FLNC: variants seen among roughly 807,000 people sequenced by gnomAD.
The protein encoded by FLNC is filamin-C.
FLNC carries 91 observed loss-of-function variants against 254.3 expected under a neutral mutation model. That is an observed-to-expected ratio of 0.36 (90% confidence interval 0.30 to 0.43). The LOEUF (loss-of-function observed/expected upper bound fraction) is 0.43. Ranked by LOEUF, FLNC falls within the 20% of genes least tolerant of loss-of-function variation. The pLI is 1.00. For missense variants in FLNC, 2,853 were observed against 3,802.6 expected (o/e 0.75, Z 6.57); for synonymous variants, 1,430 against 1,577.2 (o/e 0.91, Z 2.21).
rs751937921 is a variant in FLNC at position 128,851,544 on chromosome 7, C to A, written c.5758C>A (p.Pro1920Thr). ...TGGCACCTGCACCGTGTCCTATCTG[C>A]CGACTGCGCCTGGAGACTACAGCAT... ...KDGTCTVSYL[P>T]TAPGDYSIIV... Residue 1920 changes from proline to threonine, a missense_variant, in exon 35 of 48, where the codon CCG (proline) becomes ACG (threonine). By Grantham distance (38) the Pro-to-Thr change is conservative (BLOSUM62 -1). Transcript: ENST00000325888. The A allele has an allele frequency of 3.7e-6, 6 of 1,613,856 alleles. No homozygotes were observed. Among genetic ancestry groups the A allele is most frequent in the Non-Finnish European group, 4.2e-6 (5 of 1,180,036 alleles).
chr7:128,853,575 C>T lies in FLNC; in HGVS notation c.6315C>T (p.Pro2105=), dbSNP rs764435558. The T allele has an allele frequency of 2.2e-5, 36 of 1,614,018 alleles. No individual in the cohort carries two copies. In the East Asian group the frequency reaches 2.5e-4, roughly 11 times the overall value. ...TCKVTYCPTE[P]GTYIINIKFA... ...AAGTCACCTACTGCCCCACCGAGCCCGGCACCTACATCATCAACATCAAGT... is the reference window on the plus strand; with the variant it reads ...AAGTCACCTACTGCCCCACCGAGCCTGGCACCTACATCATCAACATCAAGT... Residue 2105 remains proline (P), a synonymous_variant, in exon 38 of 48, where the codon CCC becomes CCT. Coordinates refer to ENST00000325888, the MANE Select transcript of FLNC (RefSeq NM_001458.5).
At position 128,835,683 on chromosome 7, in the gene FLNC, G is replaced by A. The variant is rs1218781840; in HGVS notation, c.601+109G>A. The A allele has an allele frequency of 7.8e-7, 1 of 1,284,350 alleles. No individual in the cohort carries two copies. The allele number at this position is 1,284,350 out of a possible 1,614,324, so 79.6% of individuals were successfully genotyped here. A position where few individuals can be genotyped will look rare whatever the true frequency, so the allele number is the denominator to read the frequency against. On this transcript the variant is annotated intron_variant, in intron 2 of 47. Transcript: ENST00000325888. This position sits in a 1 kb window ranked among gnomAD's most constrained non-coding sequence, Gnocchi z 5.3. ...GTCAGAATGCACACCCTGGGGCCTGGGGGCCAGGATCCCCTGCAGGGTTTG... is the reference window on the plus strand; with the variant it reads ...GTCAGAATGCACACCCTGGGGCCTGAGGGCCAGGATCCCCTGCAGGGTTTG...
In FLNC at chr7:128,836,470, G is replaced by A. The variant is rs1445106483; in HGVS notation, c.602-690G>A. On this transcript the variant is annotated intron_variant, in intron 2 of 47. Transcript: ENST00000325888. This position sits in a 1 kb window ranked among gnomAD's most constrained non-coding sequence, Gnocchi z 6.0. ...CTTGAGCCGGCCCCCTCCCCGAAAC[G>A]GTGTGCCGTCCCCCTCCTCCAGCTC... Among the ~76,000 whole-genome samples, 8 of 152,108 alleles carry A rather than the reference G, an allele frequency of 5.3e-5. No homozygotes were observed. The highest frequency in any genetic ancestry group is 2.1e-4 in the South Asian group (1 of 4,830).
intron 31 of FLNC, 127 bp downstream of exon 31, chr7:128,850,201 C>A: frequency 1.0e-6 from 1 of 972,946 alleles, no homozygotes; most frequent in South Asian, 1.4e-5. Flanking sequence ...AAGAGTTAGG[C>A]TGGGCAGATG....
At chr7:128,855,340 G>A (rs1809012024) in intron 43 of FLNC, 26 bp downstream of exon 43, 2 of 1,438,042 alleles carry the variant, frequency 1.4e-6, no homozygotes, top group Admixed American at 1.7e-5. Context: ...GGGGGTGGAG[G>A]GTTTCTGCTA....
chr7:128,843,455 G>T lies in FLNC; in HGVS notation c.2689G>T (p.Ala897Ser). 6.2e-7 allele frequency: 1 copy of T among 1,614,144 alleles called. No individual in the cohort carries two copies. Among genetic ancestry groups the T allele is most frequent in the African/African-American group, 1.3e-5 (1 of 75,062 alleles). ...PTHFTVLTKGAGKAKLDVQFA... is the reference protein window; with the variant it reads ...PTHFTVLTKGSGKAKLDVQFA... ...CCACTTCACGGTGCTGACCAAGGGA[G>T]CCGGCAAGGCCAAGCTGGATGTGCA... The change falls in exon 18 of 48, where the codon GCC (alanine) becomes TCC (serine). Residue 897 changes from alanine (A) to serine (S), a missense_variant. Physicochemically the swap from Ala to Ser is moderately conservative, Grantham distance 99. This residue lies in a region of FLNC where 1,573 missense variants were observed against 1,883.5 expected (regional missense o/e 0.84). Coordinates refer to ENST00000325888, the MANE Select transcript of FLNC (RefSeq NM_001458.5).
In FLNC at chr7:128,842,781, C is replaced by G. The variant is rs78086167; in HGVS notation, c.2390-13C>G. ...GCTGAGCCCAACTCACAGCAGTGCC[C>G]GCTTCTCTGCAGGCGACGTGAGCAT... On this transcript the variant is annotated splice_polypyrimidine_tract_variant and intron_variant, in intron 15 of 47. Coordinates refer to ENST00000325888, the MANE Select transcript of FLNC (RefSeq NM_001458.5). The surrounding 1 kb of genome is among the most constrained non-coding windows in gnomAD (Gnocchi z 5.4). The G allele has an allele frequency of 6.2e-7, 1 of 1,612,960 alleles. No individual in the cohort carries two copies. Among genetic ancestry groups the G allele is most frequent in the Non-Finnish European group, 8.5e-7 (1 of 1,179,800 alleles).
rs751554946 is a variant in FLNC, at chr7:128,837,972, T to C, written c.970-15T>C. 18 of 1,612,406 alleles carry C rather than the reference T, an allele frequency of 1.1e-5. No individual in the cohort carries two copies. Among genetic ancestry groups the C allele is most frequent in the Non-Finnish European group, 1.4e-5 (17 of 1,178,524 alleles). The stretch of plus-strand genomic sequence containing the variant: ...GGTCATTGGAGAGGCTTCCAATCTT[T>C]TTCCTTCCTAATAGGCTAAGGTGGT... On this transcript the variant is annotated splice_polypyrimidine_tract_variant and intron_variant, in intron 5 of 47. Coordinates refer to ENST00000325888, the MANE Select transcript of FLNC (RefSeq NM_001458.5).
rs780429083 is a variant in FLNC, at chr7:128,841,389, G to C, written c.2007+26G>C. The C allele has an allele frequency of 6.2e-7, 1 of 1,613,692 alleles. No homozygotes were observed. Among genetic ancestry groups the C allele is most frequent in the South Asian group, 1.1e-5 (1 of 91,078 alleles). Reference sequence around the variant, plus strand: ...GTGTGGTCCCAGCTCACACACACCTGCCCCGGGGGTGGGGCAAGCTGGTTC... The same window carrying C: ...GTGTGGTCCCAGCTCACACACACCTCCCCCGGGGGTGGGGCAAGCTGGTTC... On this transcript the variant is annotated intron_variant, in intron 12 of 47. Coordinates refer to ENST00000325888, the MANE Select transcript of FLNC (RefSeq NM_001458.5). The surrounding 1 kb of genome is among the most constrained non-coding windows in gnomAD (Gnocchi z 4.3).
In FLNC at chr7:128,848,796, C is replaced by A. The variant is rs972936640; in HGVS notation, c.4741C>A (p.Pro1581Thr). 37 of 1,614,066 alleles carry A rather than the reference C, an allele frequency of 2.3e-5. No homozygotes were observed. Among genetic ancestry groups the A allele is most frequent in the Non-Finnish European group, 3.0e-5 (35 of 1,180,042 alleles). ...TTGACCTCTGCTTCTCCCTCAGGACCCCGAGGGTAAGCCCAAGAAGGCCAA... is the reference window on the plus strand; with the variant it reads ...TTGACCTCTGCTTCTCCCTCAGGACACCGAGGGTAAGCCCAAGAAGGCCAA... ...EGLLTVQILD[P>T]EGKPKKANIR... Residue 1581 changes from proline to threonine, a missense_variant, in exon 28 of 48, where the codon CCC (proline) becomes ACC (threonine). By Grantham distance (38) the Pro-to-Thr change is conservative (BLOSUM62 -1). This residue lies in a region of FLNC where 1,573 missense variants were observed against 1,883.5 expected (regional missense o/e 0.84). Coordinates refer to ENST00000325888, the MANE Select transcript of FLNC (RefSeq NM_001458.5).
At chr7:128,837,940 G>T in intron 5 of FLNC, 47 bp from the exon 6 acceptor site, 1 of 1,553,136 alleles carries the variant, frequency 6.4e-7, no homozygotes, top group East Asian at 2.2e-5. Flanking sequence ...GGGTCAGGAG[G>T]GGCTATGGTC....
At chr7:128,854,736 G>A (rs546333349) in intron 41 of FLNC, 39 bp from the exon 42 acceptor site, 2 of 1,613,436 alleles carry the variant, frequency 1.2e-6, no homozygotes, top group Admixed American at 1.7e-5. Flanking sequence ...CAGTGTGAGG[G>A]GCGATGATGC....
At position 128,830,529 on chromosome 7, in the gene FLNC, G is replaced by C; in HGVS notation, c.-109G>C. The C allele has an allele frequency of 1.1e-6, 1 of 936,202 alleles. No homozygotes were observed. The highest frequency in any genetic ancestry group is 1.7e-6 in the Non-Finnish European group (1 of 603,702). The allele number at this position is 936,202 out of a possible 1,614,324, so 58.0% of individuals were successfully genotyped here. A position where few individuals can be genotyped will look rare whatever the true frequency, so the allele number is the denominator to read the frequency against. Reference sequence around the variant, plus strand: ...CCGGCGCGAGAGAAGTTGGAGAGGAGAGCAGCGCAGCGCAGCGAGTCCCGT... The same window carrying C: ...CCGGCGCGAGAGAAGTTGGAGAGGACAGCAGCGCAGCGCAGCGAGTCCCGT... On this transcript the variant is annotated 5_prime_UTR_variant, in exon 1 of 48. Transcript: ENST00000325888.
intron 40 of FLNC, 55 bp from the exon 41 acceptor site, chr7:128,854,358 G>C: frequency 6.3e-7 from 1 of 1,596,802 alleles, no homozygotes; most frequent in Admixed American, 1.8e-5. Context: ...GGGGAGGGAA[G>C]GGCCAGGGCT....
Position 128,835,501 on chromosome 7 carries a change from G to C in FLNC, c.528G>C (p.Leu176=), listed in dbSNP as rs2128933672. The C allele has an allele frequency of 1.2e-6, 2 of 1,613,770 alleles. No individual in the cohort carries two copies. Among genetic ancestry groups the C allele is most frequent in the Non-Finnish European group, 1.7e-6 (2 of 1,180,020 alleles). ...LGWIQNKVPQ[L]PITNFNRDWQ... ...GGATCCAGAACAAGGTGCCCCAGCTGCCCATCACCAACTTCAACCGTGACT... is the reference window on the plus strand; with the variant it reads ...GGATCCAGAACAAGGTGCCCCAGCTCCCCATCACCAACTTCAACCGTGACT... Residue 176 remains leucine, a synonymous_variant, in exon 2 of 48, where the codon CTG becomes CTC. Transcript: ENST00000325888. This position sits in a 1 kb window ranked among gnomAD's most constrained non-coding sequence, Gnocchi z 5.3.
Position 128,858,059 on chromosome 7 carries a change from T to G in FLNC, c.7832T>G (p.Val2611Gly), listed in dbSNP as rs2128940575. ...CTTCACGAAACATCCACGGTTCTGG[T>G]GGAGACTGTGACCAAGTCCTCCTCA... Reference protein sequence around the residue: ...HSLHETSTVLVETVTKSSSSR... With the variant: ...HSLHETSTVLGETVTKSSSSR... The change falls in exon 47 of 48, where the codon GTG becomes GGG. Residue 2611 changes from valine (V) to glycine (G), a missense_variant. Val to Gly is a moderately radical substitution (Grantham distance 109, BLOSUM62 -3). Transcript: ENST00000325888. This position sits in a 1 kb window ranked among gnomAD's most constrained non-coding sequence, Gnocchi z 6.7. 5 of 1,610,396 alleles carry G rather than the reference T, an allele frequency of 3.1e-6. No homozygotes were observed. The highest frequency in any genetic ancestry group is 4.2e-6 in the Non-Finnish European group (5 of 1,178,110).
rs1807835902 is a variant in FLNC at position 128,830,420 on chromosome 7, C to A, written c.-218C>A. On this transcript the variant is annotated 5_prime_UTR_variant, in exon 1 of 48. Coordinates refer to ENST00000325888, the MANE Select transcript of FLNC (RefSeq NM_001458.5). Reference sequence around the variant, plus strand: ...CGGCCCAGCCCGCCCTTCCCGAGCACCGCTCCGGCCCTGGAGGGAGAGAGA... The same window carrying A: ...CGGCCCAGCCCGCCCTTCCCGAGCAACGCTCCGGCCCTGGAGGGAGAGAGA... The A allele has an allele frequency of 7.4e-5, 43 of 580,104 alleles. No homozygotes were observed. In the South Asian group the frequency reaches 8.6e-4, roughly 12 times the overall value. 35.9% of individuals were successfully genotyped at this position (580,104 alleles called of 1,614,324 possible). A position where few individuals can be genotyped will look rare whatever the true frequency, so the allele number is the denominator to read the frequency against.
rs1808311486 is a variant in FLNC, at chr7:128,841,061, G to A, written c.1813+91G>A. 2 of 1,567,640 alleles carry A rather than the reference G, an allele frequency of 1.3e-6. No homozygotes were observed. The highest frequency in any genetic ancestry group is 2.2e-5 in the South Asian group (2 of 89,214). On this transcript the variant is annotated intron_variant, in intron 11 of 47. Coordinates refer to ENST00000325888, the MANE Select transcript of FLNC (RefSeq NM_001458.5). This position sits in a 1 kb window ranked among gnomAD's most constrained non-coding sequence, Gnocchi z 4.3. The stretch of plus-strand genomic sequence containing the variant: ...ATGGGTGCAGTGCGCATGCTGGGGA[G>A]CGCTGGGGTGAGCAGGGAGATAGGA...
intron 1 of FLNC, among the ~76,000 whole-genome samples, chr7:128,834,321 C>CCCCCCTCCG (rs1338939500): frequency 1.2e-4 from 18 of 146,908 alleles, no homozygotes; most frequent in African/African-American, 4.8e-4. Context: ...GCCCCCCCCC[C>CCCCCCTCCG]CCAAATCTTG....
Sources: allele counts gnomAD v4.1 joint callset (sites outside exome capture counted in the v4.1 genomes callset), GRCh38; gene constraint gnomAD v4.1.1; regional missense constraint gnomAD v4.1.1; non-coding constraint Gnocchi (gnomAD v3.1); transcripts MANE v1.5; gene names NCBI Gene and HGNC (gene_info 2026-07-23, HGNC 2026-07-21).